The following NRSN1 variants were observed in gnomAD, a reference collection of about 807,000 sequenced individuals.
NRSN1 encodes the protein neurensin-1.
Under a neutral mutation model 17.3 loss-of-function variants are expected in NRSN1, and 14 were observed. That is an observed-to-expected ratio of 0.81 (90% CI 0.54 to 1.27). The LOEUF (loss-of-function observed/expected upper bound fraction) is 1.27. Ranked by LOEUF, NRSN1 falls within the 50% of genes most tolerant of loss-of-function variation. NRSN1 has a pLI of 0.00. For missense variants in NRSN1, 209 were observed against 235.9 expected (o/e 0.89, Z 0.75); for synonymous variants, 79 against 94.2 (o/e 0.84, Z 0.93).
intron 3 of NRSN1, among the ~76,000 whole-genome samples, chr6:24,137,931 G>T (rs77338598): frequency 0.026 from 3,894 of 152,222 alleles, 105 homozygotes; most frequent in East Asian, 0.13. Flanking sequence ...TAAGAGTCAT[G>T]GGAGAGTACA....
intron 3 of NRSN1, among the ~76,000 whole-genome samples, chr6:24,139,524 G>C (rs1000973328): frequency 2.6e-5 from 4 of 152,214 alleles, no homozygotes; most frequent in African/African-American, 9.6e-5. Context: ...AACGCAAATA[G>C]AGAAAATGGG....
chr6:24,127,364 C>T lies in NRSN1; in HGVS notation c.-82-764C>T, dbSNP rs190796204. Among the ~76,000 whole-genome samples, 634 of 152,314 alleles carry T rather than the reference C, an allele frequency of 4.2e-3. 5 individuals are homozygous for T. Among genetic ancestry groups the T allele is most frequent in the Middle Eastern group, 0.01 (3 of 294 alleles). On this transcript the variant is annotated intron_variant, in intron 1 of 3. Transcript: ENST00000378491. ...AACAGTTTATCAGGCCTCAGCTAGGCTTACTCACCTCAAGTCTTCAGGTTC... is the reference window on the plus strand; with the variant it reads ...AACAGTTTATCAGGCCTCAGCTAGGTTTACTCACCTCAAGTCTTCAGGTTC...
intron 3 of NRSN1, chr6:24,141,167 G>A: frequency 7.9e-7 from 1 of 1,268,820 alleles, no homozygotes; most frequent in Non-Finnish European, 1.0e-6. Flanking sequence ...TGCTTCCTCA[G>A]AACTTTAAAC....
At chr6:24,126,369 TG>T (rs1759948601) in intron 1 of NRSN1, 29 bp downstream of exon 1, 1 of 156,602 alleles carries the variant, frequency 6.4e-6, no homozygotes, top group African/African-American at 2.4e-5. Context: ...AGTCCAGGGG[TG>T]GCGGCTTTCT....
At chr6:24,141,119 A>ATTCCAACTC in intron 3 of NRSN1, 1 of 1,334,908 alleles carries the variant, frequency 7.5e-7, no homozygotes, top group Non-Finnish European at 9.7e-7. Flanking sequence ...CTTCCAAAGC[A>ATTCCAACTC]TTCCAACTCT....
intron 3 of NRSN1, among the ~76,000 whole-genome samples, chr6:24,142,309 A>C (rs77245542): frequency 0.02 from 2,945 of 147,652 alleles, 70 homozygotes; most frequent in Admixed American, 0.074. Flanking sequence ...TTTGAGGTTC[A>C]AATAAAAATA....
At chr6:24,131,878 T>C (rs1760035910) in intron 2 of NRSN1, among the ~76,000 whole-genome samples, 1 of 152,218 alleles carries the variant, frequency 6.6e-6, no homozygotes, top group Non-Finnish European at 1.5e-5. Flanking sequence ...AAGAACATTC[T>C]AAAAACCTTG....
chr6:24,142,911 C>G (rs1297643232), intron 3 of NRSN1, among the ~76,000 whole-genome samples: 1 of 152,088 alleles, frequency 6.6e-6, no homozygotes, highest in Non-Finnish European at 1.5e-5. Context: ...TTATTTGGCC[C>G]CGCCCACATC....
Position 24,134,427 on chromosome 6 carries a change from T to C in NRSN1, c.100T>C (p.Tyr34His). The C allele has an allele frequency of 6.2e-7, 1 of 1,614,112 alleles. No individual in the cohort carries two copies. The highest frequency in any genetic ancestry group is 8.5e-7 in the Non-Finnish European group (1 of 1,179,968). Residue 34 changes from tyrosine to histidine, a missense_variant, in exon 3 of 4, where the codon TAT (tyrosine) becomes CAT (histidine). Transcript: ENST00000378491. ...YGVRSYLHQF[Y>H]EDCTASIWEY... ...AGTCCGGTCCTACCTGCACCAGTTT[T>C]ATGAGGACTGTACAGCCTCAATTTG...
chr6:24,134,041 T>TGTGTGTGTGTGTGTGTGTG (rs1491411832), intron 2 of NRSN1, among the ~76,000 whole-genome samples: 1 of 150,976 alleles, frequency 6.6e-6, no homozygotes, highest in Non-Finnish European at 1.5e-5. Flanking sequence ...TGTGTGTGTG[T>TGTGTGTGTGTGTGTGTGTG]TTTTAGTAGA....
Position 24,134,352 on chromosome 6 carries a change from G to A in NRSN1, c.25G>A (p.Gly9Arg). The A allele has an allele frequency of 6.2e-7, 1 of 1,614,004 alleles. No individual in the cohort carries two copies. The highest frequency in any genetic ancestry group is 8.5e-7 in the Non-Finnish European group (1 of 1,179,982). Residue 9 changes from glycine to arginine, a missense_variant, in exon 3 of 4, where the codon GGG becomes AGG. Transcript: ENST00000378491. ...GATGAGTTCTTGCAGCAACGTCTGTGGGTCCAGGCAGGCACAGGCTGCAGC... is the reference window on the plus strand; with the variant it reads ...GATGAGTTCTTGCAGCAACGTCTGTAGGTCCAGGCAGGCACAGGCTGCAGC... The part of the protein sequence containing the change: MSSCSNVC[G>R]SRQAQAAAEG...
intron 3 of NRSN1, among the ~76,000 whole-genome samples, chr6:24,142,819 G>A (rs780299422): frequency 1.3e-5 from 2 of 152,200 alleles, no homozygotes; most frequent in African/African-American, 2.4e-5. Flanking sequence ...ACTGTGAAGA[G>A]CGAAAGAACA....
intron 3 of NRSN1, among the ~76,000 whole-genome samples, chr6:24,142,200 T>TTTTTTTTTTTA: frequency 7.0e-6 from 1 of 142,488 alleles, no homozygotes. Context: ...GCTTTTTTTT[T>TTTTTTTTTTTA]TTTTTTTTTT....
chr6:24,132,524 A>T (rs2113712299), intron 2 of NRSN1, among the ~76,000 whole-genome samples: 1 of 152,364 alleles, frequency 6.6e-6, no homozygotes, highest in African/African-American at 2.4e-5. Flanking sequence ...CTATGTCCAC[A>T]TAACTAAAAC....
intron 3 of NRSN1, among the ~76,000 whole-genome samples, chr6:24,144,099 T>C (rs1284279810): frequency 1.3e-5 from 2 of 152,236 alleles, no homozygotes; most frequent in Non-Finnish European, 2.9e-5. Context: ...TCTGCTATTC[T>C]GAACACTTCC....
Position 24,147,239 on chromosome 6 carries a change from C to G in NRSN1, c.*1293C>G, listed in dbSNP as rs1432924143. 1 of 152,154 alleles carries G rather than the reference C, an allele frequency of 6.6e-6. No individual in the cohort carries two copies. The allele number at this position is 152,154 out of a possible 1,614,324, so 9.4% of individuals were successfully genotyped here. ...TCATTCTCAAACAAGATGCTTTGTT[C>G]TCCAACAAGATGTTCATCTCATCAC... On this transcript the variant is annotated 3_prime_UTR_variant, in exon 4 of 4. Coordinates refer to ENST00000378491, the MANE Select transcript of NRSN1 (RefSeq NM_080723.5).
At chr6:24,133,660 G>T (rs947880848) in intron 2 of NRSN1, among the ~76,000 whole-genome samples, 2 of 152,154 alleles carry the variant, frequency 1.3e-5, no homozygotes, top group African/African-American at 4.8e-5. Context: ...AAAAATCTCA[G>T]CTTCTTTGTT....
At chr6:24,126,711 C>G (rs746573388) in intron 1 of NRSN1, among the ~76,000 whole-genome samples, 1 of 150,750 alleles carries the variant, frequency 6.6e-6, no homozygotes, top group Non-Finnish European at 1.5e-5. Flanking sequence ...ATATATGTAT[C>G]TAGAGTTTGC....
chr6:24,135,757 T>G (rs1251355136), intron 3 of NRSN1, among the ~76,000 whole-genome samples: 1 of 152,170 alleles, frequency 6.6e-6, no homozygotes, highest in Non-Finnish European at 1.5e-5. Context: ...ACATAGAATC[T>G]ATACAAGGCA....
Sources: gnomAD v4.1 joint callset for allele counts (sites outside exome capture counted in the v4.1 genomes callset) on GRCh38, gnomAD v4.1.1 for gene constraint, MANE v1.5 for transcripts, NCBI Gene and HGNC (gene_info 2026-07-23, HGNC 2026-07-21) for gene names.